Variants in PPP1R12B observed in about 807,000 individuals in gnomAD.
The protein encoded by PPP1R12B is protein phosphatase 1 regulatory subunit 12B.
Under a neutral mutation model 126.1 loss-of-function variants are expected in PPP1R12B, and 76 were observed. That is an observed-to-expected ratio of 0.60 (90% CI 0.50 to 0.73). The LOEUF (loss-of-function observed/expected upper bound fraction) is 0.73, where lower values mean the gene tolerates loss of function less well. PPP1R12B is among the 30% of genes least tolerant of loss of function. PPP1R12B has a pLI of 0.00. For missense variants in PPP1R12B, 1,052 were observed against 1,205.1 expected, an observed-to-expected ratio of 0.87 and a Z score of 1.88; for synonymous variants, 356 against 434.7, an observed-to-expected ratio of 0.82 and a Z score of 2.25.
At chr1:202,513,522 T>C (rs1681777617) in intron 18 of PPP1R12B, among the ~76,000 whole-genome samples, 1 of 152,168 alleles carries the variant, frequency 6.6e-6, no homozygotes. Flanking sequence ...GGCAATTAGA[T>C]ACATGGGTAT....
intron 1 of PPP1R12B, among the ~76,000 whole-genome samples, chr1:202,363,252 A>T (rs1180229526): frequency 1.3e-5 from 2 of 152,238 alleles, no homozygotes; most frequent in East Asian, 3.8e-4. Flanking sequence ...CATGGCATAC[A>T]ACTGTGTCTT....
At chr1:202,556,142 C>T (rs1162781960) in intron 18 of PPP1R12B, among the ~76,000 whole-genome samples, 1 of 152,170 alleles carries the variant, frequency 6.6e-6, no homozygotes, top group Non-Finnish European at 1.5e-5. Flanking sequence ...TCCCAAGCTG[C>T]TGGTATTACA....
rs1669878120 is a variant in PPP1R12B, at chr1:202,428,940, G to T, written c.921+11G>T. On this transcript the variant is annotated intron_variant, in intron 6 of 23. Transcript: ENST00000608999. The stretch of plus-strand genomic sequence containing the variant: ...AAGAAGCAGAATGTGGTGAGTTTCT[G>T]ATTGGTGCTTTCAAAAGTTTTCTAA... 7 of 1,593,708 alleles carry T rather than the reference G, an allele frequency of 4.4e-6. No individual in the cohort carries two copies. Among genetic ancestry groups the T allele is most frequent in the Non-Finnish European group, 6.0e-6 (7 of 1,171,922 alleles).
intron 18 of PPP1R12B, among the ~76,000 whole-genome samples, chr1:202,551,751 C>T (rs183205452): frequency 9.2e-5 from 14 of 152,218 alleles, no homozygotes; most frequent in African/African-American, 2.2e-4. Flanking sequence ...GATGATGGAA[C>T]GGGAAGCCAG....
chr1:202,530,406 A>C (rs1288559019), intron 18 of PPP1R12B, among the ~76,000 whole-genome samples: 1 of 152,198 alleles, frequency 6.6e-6, no homozygotes, highest in Non-Finnish European at 1.5e-5. Context: ...AAAAAGTGTG[A>C]AGGGGGAAAA....
intron 13 of PPP1R12B, among the ~76,000 whole-genome samples, chr1:202,452,559 CGTGGGGAGACG>C (rs1558247816): frequency 6.8e-6 from 1 of 147,706 alleles, no homozygotes; most frequent in Non-Finnish European, 1.5e-5. Flanking sequence ...AGAGGGAGAC[CGTGGGGAGACG>C]GGAGAGGAGG....
intron 18 of PPP1R12B, among the ~76,000 whole-genome samples, chr1:202,513,785 G>A (rs565783527): frequency 6.6e-6 from 1 of 152,320 alleles, no homozygotes; most frequent in South Asian, 2.1e-4. Flanking sequence ...TTATCAGAAT[G>A]ATTGTGGGGT....
At chr1:202,557,161 AAAAATTATTTTGTAG>A (rs1375945822) in intron 18 of PPP1R12B, among the ~76,000 whole-genome samples, 1 of 151,980 alleles carries the variant, frequency 6.6e-6, no homozygotes, top group African/African-American at 2.4e-5. Context: ...CTAACTTCTT[AAAAATTATTTTGTAG>A]AGATGGGGTC....
chr1:202,398,188 A>C (rs776632233), intron 1 of PPP1R12B, among the ~76,000 whole-genome samples: 3 of 152,216 alleles, frequency 2.0e-5, no homozygotes, highest in Non-Finnish European at 4.4e-5. Flanking sequence ...GAAATAGACC[A>C]CTGGAAAAAT....
At chr1:202,456,980 A>C (rs1673724116) in intron 13 of PPP1R12B, among the ~76,000 whole-genome samples, 1 of 152,258 alleles carries the variant, frequency 6.6e-6, no homozygotes, top group African/African-American at 2.4e-5. Context: ...CTAACATGTA[A>C]TAAAAGTTTT....
intron 13 of PPP1R12B, among the ~76,000 whole-genome samples, chr1:202,476,962 G>A (rs1184864723): frequency 6.6e-6 from 1 of 152,068 alleles, no homozygotes; most frequent in African/African-American, 2.4e-5. Flanking sequence ...ACTTGGAGTA[G>A]TTTTATTTTA....
intron 18 of PPP1R12B, among the ~76,000 whole-genome samples, chr1:202,557,150 G>T (rs1687036378): frequency 6.6e-6 from 1 of 152,070 alleles, no homozygotes; most frequent in Non-Finnish European, 1.5e-5. Context: ...ACCATGCCCA[G>T]CTAACTTCTT....
At chr1:202,504,760 G>A (rs1342171296) in intron 18 of PPP1R12B, among the ~76,000 whole-genome samples, 2 of 152,288 alleles carry the variant, frequency 1.3e-5, no homozygotes, top group African/African-American at 4.8e-5. Context: ...TAGACTCCCT[G>A]CATTTAACCC....
chr1:202,428,974 A>C (rs1298804865), intron 6 of PPP1R12B, 45 bp downstream of exon 6: 1 of 1,486,876 alleles, frequency 6.7e-7, no homozygotes, highest in East Asian at 2.3e-5. Context: ...AATAGTTTGC[A>C]GTTCACACCA....
At chr1:202,566,951 G>A (rs1165521851) in intron 21 of PPP1R12B, among the ~76,000 whole-genome samples, 3 of 152,198 alleles carry the variant, frequency 2.0e-5, no homozygotes, top group Non-Finnish European at 4.4e-5. Context: ...ATTCTGCTGA[G>A]TTCTATGACC....
At chr1:202,564,626 C>T in intron 21 of PPP1R12B, 79 bp downstream of exon 21, 1 of 1,172,110 alleles carries the variant, frequency 8.5e-7, no homozygotes, top group Non-Finnish European at 1.2e-6. Context: ...ATCTAAGGGA[C>T]AGGAAGTAAG....
chr1:202,429,949 A>G (rs1669993579), intron 6 of PPP1R12B, among the ~76,000 whole-genome samples: 1 of 152,212 alleles, frequency 6.6e-6, no homozygotes, highest in Non-Finnish European at 1.5e-5. Flanking sequence ...AAACTCATAC[A>G]AACACAACTT....
chr1:202,370,639 C>T (rs1455339866), intron 1 of PPP1R12B, among the ~76,000 whole-genome samples: 7 of 151,986 alleles, frequency 4.6e-5, no homozygotes, highest in Non-Finnish European at 7.4e-5. Flanking sequence ...CGGGTTCAAG[C>T]GATTCTCCTG....
At chr1:202,355,111 G>T (rs1656826556) in intron 1 of PPP1R12B, among the ~76,000 whole-genome samples, 1 of 151,708 alleles carries the variant, frequency 6.6e-6, no homozygotes, top group African/African-American at 2.4e-5. Flanking sequence ...CACCATGTTG[G>T]CCAGGCTGGT....
Sources: allele counts gnomAD v4.1 joint callset (sites outside exome capture counted in the v4.1 genomes callset), GRCh38; gene constraint gnomAD v4.1.1; transcripts MANE v1.5; gene names NCBI Gene and HGNC (gene_info 2026-07-23, HGNC 2026-07-21).